Variants in ERFL observed in about 807,000 individuals in gnomAD.
The protein encoded by ERFL is ETS repressor factor like.
In ERFL, 8 loss-of-function variants were observed where a neutral mutation model predicts 27.9. The ratio of observed to expected loss-of-function variants is 0.29; its 90% confidence interval spans 0.17 to 0.52. ERFL has a LOEUF of 0.52. ERFL is among the 20% of genes least tolerant of loss of function. The pLI is 0.97. For missense variants in ERFL, 294 were observed against 444.4 expected (o/e 0.66, Z 3.04); for synonymous variants, 174 against 202.8 (o/e 0.86, Z 1.21).
chr19:41,915,188 G>A (rs969703600), intron 1 of ERFL, among the ~76,000 whole-genome samples: 34 of 107,392 alleles, frequency 3.2e-4, no homozygotes, highest in Non-Finnish European at 8.7e-5. Context: ...TTCTCTTCCC[G>A]ACGCTTTCAA....
At chr19:41,915,658 CCT>C (rs1305704330) in intron 1 of ERFL, among the ~76,000 whole-genome samples, 2 of 152,100 alleles carry the variant, frequency 1.3e-5, no homozygotes, top group Non-Finnish European at 1.5e-5. Flanking sequence ...GCCCCATCTC[CCT>C]GTCTCTGTGT....
intron 1 of ERFL, among the ~76,000 whole-genome samples, chr19:41,923,497 G>A (rs760672766): frequency 1.3e-5 from 2 of 150,046 alleles, no homozygotes; most frequent in African/African-American, 2.5e-5. Context: ...CAGAGGAGTC[G>A]AGAGGCCAGA....
intron 1 of ERFL, among the ~76,000 whole-genome samples, chr19:41,915,126 C>A (rs1394570002): frequency 1.0e-5 from 1 of 95,920 alleles, no homozygotes; most frequent in African/African-American, 4.3e-5. Flanking sequence ...CCTCCTTCCT[C>A]CCCCCGCCCC....
chr19:41,910,057 G>A lies in ERFL; in HGVS notation c.108C>T (p.Ser36=). Residue 36 remains serine (S), a synonymous_variant, in exon 3 of 6, where the codon TCC becomes TCT. Coordinates refer to ENST00000597630, the MANE Select transcript of ERFL (RefSeq NM_001365103.2). This position sits in a 1 kb window ranked among gnomAD's most constrained non-coding sequence, Gnocchi z 4.4. ...ACAGCTGGATCTGCCTCGAGCCAGG[G>A]GATGACTCTGGCTTGTAGGCCCAAT... ...FPDWAYKPES[S]PGSRQIQLWH... 6.2e-7 allele frequency: 1 copy of A among 1,613,462 alleles called. No individual in the cohort carries two copies. Among genetic ancestry groups the A allele is most frequent in the Non-Finnish European group, 8.5e-7 (1 of 1,179,944 alleles).
chr19:41,915,028 CCG>C (rs1417404246), intron 1 of ERFL, among the ~76,000 whole-genome samples: 2 of 106,396 alleles, frequency 1.9e-5, no homozygotes, highest in African/African-American at 4.5e-5. Flanking sequence ...TGTCCCTGTC[CCG>C]CGTCTCTCCA....
intron 1 of ERFL, among the ~76,000 whole-genome samples, chr19:41,919,592 C>G (rs1262069086): frequency 6.6e-6 from 1 of 152,112 alleles, no homozygotes; most frequent in East Asian, 1.9e-4. Context: ...GACACAACAG[C>G]AACCCCCGAA....
At chr19:41,913,934 C>T (rs2074770167) in intron 1 of ERFL, among the ~76,000 whole-genome samples, 1 of 150,862 alleles carries the variant, frequency 6.6e-6, no homozygotes, top group Admixed American at 6.6e-5. Context: ...CTCTGGAGCA[C>T]CTTCTTCCTG....
In ERFL at chr19:41,916,449, G is replaced by C. The variant is rs975125647; in HGVS notation, c.-13-3517C>G. On this transcript the variant is annotated intron_variant, in intron 1 of 5. Coordinates refer to ENST00000597630, the MANE Select transcript of ERFL (RefSeq NM_001365103.2). This position sits in a 1 kb window ranked among gnomAD's most constrained non-coding sequence, Gnocchi z 5.4. ...CACACACATCAGCATAGTCACAGAT[G>C]CACAGAAACAGACACACAGTTTTAC... 1.3e-5 allele frequency among the ~76,000 whole-genome samples: 2 copies of C among 151,646 alleles called. No homozygotes were observed. Among genetic ancestry groups the C allele is most frequent in the African/African-American group, 4.9e-5 (2 of 41,202 alleles).
chr19:41,922,860 G>A (rs1223251736), intron 1 of ERFL, among the ~76,000 whole-genome samples: 6 of 152,210 alleles, frequency 3.9e-5, no homozygotes, highest in East Asian at 1.9e-4. Flanking sequence ...CCGCCGAGGC[G>A]GATCGATCCC....
rs551647034 is a variant in ERFL at position 41,926,761 on chromosome 19, G to A, written c.-14+1279C>T. 3.2e-4 allele frequency among the ~76,000 whole-genome samples: 49 copies of A among 152,284 alleles called. No individual in the cohort carries two copies. The South Asian group carries it at 7.3e-3, about 23-fold the overall frequency. On this transcript the variant is annotated intron_variant, in intron 1 of 5. Coordinates refer to ENST00000597630, the MANE Select transcript of ERFL (RefSeq NM_001365103.2). The stretch of plus-strand genomic sequence containing the variant: ...CCGTTTAGCCGTGATAGATCCGCGC[G>A]CCGCTTGTCTCTTAATCTCCAGAGC...
intron 1 of ERFL, among the ~76,000 whole-genome samples, chr19:41,920,101 T>C (rs2074830886): frequency 9.4e-6 from 1 of 106,562 alleles, no homozygotes. Flanking sequence ...CTCACAGACA[T>C]ACACTCACAG....
chr19:41,915,077 G>A lies in ERFL; in HGVS notation c.-13-2145C>T, dbSNP rs1468274034. Among the ~76,000 whole-genome samples, 21 of 78,040 alleles carry A rather than the reference G, an allele frequency of 2.7e-4. No individual in the cohort carries two copies. In the Admixed American group the frequency reaches 3.5e-3, roughly 13 times the overall value. 51.2% of individuals were successfully genotyped at this position (78,040 alleles called of 152,430 possible). ...CCCCCACACCTCTCCCCCACCCATC[G>A]CTCTCCCACCTCCCGCTCTCTTTGC... On this transcript the variant is annotated intron_variant, in intron 1 of 5. Transcript: ENST00000597630.
rs1273533315 is a variant in ERFL, at chr19:41,928,267, G to A, written c.-241C>T. On this transcript the variant is annotated 5_prime_UTR_variant, in exon 1 of 6. Coordinates refer to ENST00000597630, the MANE Select transcript of ERFL (RefSeq NM_001365103.2). ...AGACGGAGAGACAGCCAAGGAGACA[G>A]AGACGGGGAGACGAGCAGAGACGGG... is the stretch of plus-strand genomic sequence containing the variant. 3 of 152,522 alleles carry A rather than the reference G, an allele frequency of 2.0e-5. No homozygotes were observed. The highest frequency in any genetic ancestry group is 4.4e-5 in the Non-Finnish European group (3 of 68,336). 9.4% of individuals were successfully genotyped at this position (152,522 alleles called of 1,614,324 possible). A position where few individuals can be genotyped will look rare whatever the true frequency, so the allele number is the denominator to read the frequency against.
intron 1 of ERFL, among the ~76,000 whole-genome samples, chr19:41,927,551 G>C (rs555571115): frequency 6.6e-6 from 1 of 152,062 alleles, no homozygotes; most frequent in South Asian, 2.1e-4. Context: ...CCCAACCTCA[G>C]ATATCTAGAT....
rs193116144 is a variant in ERFL at position 41,921,613 on chromosome 19, G to A, written c.-14+6427C>T. Among the ~76,000 whole-genome samples the A allele has an allele frequency of 6.6e-5, 10 of 152,234 alleles. No homozygotes were observed. The highest frequency in any genetic ancestry group is 1.7e-4 in the African/African-American group (7 of 41,542). On this transcript the variant is annotated intron_variant, in intron 1 of 5. Coordinates refer to ENST00000597630, the MANE Select transcript of ERFL (RefSeq NM_001365103.2). This position sits in a 1 kb window ranked among gnomAD's most constrained non-coding sequence, Gnocchi z 4.4. ...AGAAAGCTGGAGGTCACGGGAGAGCGAGGGCCGCACCGGAGACCCTGGGTT... is the reference window on the plus strand; with the variant it reads ...AGAAAGCTGGAGGTCACGGGAGAGCAAGGGCCGCACCGGAGACCCTGGGTT...
chr19:41,921,628 G>A lies in ERFL; in HGVS notation c.-14+6412C>T, dbSNP rs1410139204. ...ACGGGAGAGCGAGGGCCGCACCGGAGACCCTGGGTTGGGAGGAAGGAGAGA... is the reference window on the plus strand; with the variant it reads ...ACGGGAGAGCGAGGGCCGCACCGGAAACCCTGGGTTGGGAGGAAGGAGAGA... On this transcript the variant is annotated intron_variant, in intron 1 of 5. Transcript: ENST00000597630. This position sits in a 1 kb window ranked among gnomAD's most constrained non-coding sequence, Gnocchi z 4.4. Among the ~76,000 whole-genome samples the A allele has an allele frequency of 6.6e-6, 1 of 152,078 alleles. No homozygotes were observed. Among genetic ancestry groups the A allele is most frequent in the Non-Finnish European group, 1.5e-5 (1 of 67,992 alleles).
chr19:41,925,645 G>C (rs1349578372), intron 1 of ERFL, among the ~76,000 whole-genome samples: 3 of 152,118 alleles, frequency 2.0e-5, no homozygotes, highest in Admixed American at 2.0e-4. Flanking sequence ...TTGGGGTTAG[G>C]ACACAGGTGG....
chr19:41,912,767 G>A (rs1555851373), intron 2 of ERFL, 86 bp downstream of exon 2: 4 of 463,386 alleles, frequency 8.6e-6, no homozygotes, highest in African/African-American at 2.0e-5. Flanking sequence ...AGTGAGACAC[G>A]TGGAGACACG....
chr19:41,920,299 G>T (rs528952380), intron 1 of ERFL, among the ~76,000 whole-genome samples: 10 of 130,444 alleles, frequency 7.7e-5, no homozygotes, highest in African/African-American at 2.6e-4. Flanking sequence ...ACAGACATGC[G>T]CTCACAGACA....
Sources: gnomAD v4.1 joint callset for allele counts (sites outside exome capture counted in the v4.1 genomes callset) on GRCh38, gnomAD v4.1.1 for gene constraint, Gnocchi (gnomAD v3.1) non-coding constraint, MANE v1.5 for transcripts, NCBI Gene and HGNC (gene_info 2026-07-23, HGNC 2026-07-21) for gene names.